The following TNIK variants were observed in gnomAD, a reference collection of about 807,000 sequenced individuals.
TNIK encodes the protein TRAF2 and NCK-interacting protein kinase.
In TNIK, 49 loss-of-function variants were observed where a neutral mutation model predicts 191.3. The observed-to-expected ratio is 0.26, with a 90% CI of 0.20 to 0.32. TNIK has a LOEUF of 0.32. Among genes scored for constraint, TNIK ranks in the 10% least tolerant of loss-of-function variants. The probability of loss-of-function intolerance (pLI) is 1.00; values close to 1 mark genes in which losing one functional copy is unlikely to be tolerated. For missense variants in TNIK, 1,155 were observed against 1,702.3 expected (o/e 0.68, Z 5.66); for synonymous variants, 594 against 600.9 (o/e 0.99, Z 0.17).
intron 13 of TNIK, among the ~76,000 whole-genome samples, chr3:171,140,109 G>A (rs1730600199): frequency 6.6e-6 from 1 of 152,158 alleles, no homozygotes; most frequent in African/African-American, 2.4e-5. Flanking sequence ...GTGGGACTTG[G>A]CTGATTTTTC....
chr3:171,295,487 T>A (rs13092279), intron 2 of TNIK, among the ~76,000 whole-genome samples: 5 of 151,908 alleles, frequency 3.3e-5, no homozygotes, highest in Admixed American at 6.6e-5. Context: ...AGCTCCAAGC[T>A]GTCACATCTC....
chr3:171,167,661 A>T (rs963646638), intron 9 of TNIK, among the ~76,000 whole-genome samples: 3 of 152,208 alleles, frequency 2.0e-5, no homozygotes, highest in African/African-American at 7.2e-5. Context: ...GGGAAAGGAT[A>T]GTTCAGATAT....
At chr3:171,077,166 C>A (rs552380366) in intron 28 of TNIK, among the ~76,000 whole-genome samples, 1 of 144,320 alleles carries the variant, frequency 6.9e-6, no homozygotes, top group South Asian at 2.3e-4. Context: ...CATGGTCAAA[C>A]GCAGCAGGTC....
intron 29 of TNIK, among the ~76,000 whole-genome samples, chr3:171,070,582 C>T (rs560422411): frequency 3.9e-4 from 60 of 152,206 alleles, no homozygotes; most frequent in Admixed American, 1.6e-3. Flanking sequence ...TCCTGGTATT[C>T]GGGTGTCAGC....
At chr3:171,262,490 A>C (rs1457898061) in intron 2 of TNIK, among the ~76,000 whole-genome samples, 1 of 152,198 alleles carries the variant, frequency 6.6e-6, no homozygotes, top group Non-Finnish European at 1.5e-5. Context: ...TAAAAGATCA[A>C]TGTCTGGAAG....
At chr3:171,086,392 C>T (rs536867026) in intron 24 of TNIK, among the ~76,000 whole-genome samples, 1 of 152,294 alleles carries the variant, frequency 6.6e-6, no homozygotes, top group South Asian at 2.1e-4. Flanking sequence ...CAGGCACTAA[C>T]ATTTCCACAT....
At chr3:171,451,933 T>C (rs981974017) in intron 1 of TNIK, among the ~76,000 whole-genome samples, 1 of 152,196 alleles carries the variant, frequency 6.6e-6, no homozygotes, top group African/African-American at 2.4e-5. Flanking sequence ...GCACCCAAAC[T>C]TGCACCTTCT....
At chr3:171,200,110 G>C (rs898785721) in intron 4 of TNIK, among the ~76,000 whole-genome samples, 5 of 152,262 alleles carry the variant, frequency 3.3e-5, no homozygotes, top group African/African-American at 9.6e-5. Context: ...TGCATTCCAG[G>C]GCAATGGATC....
intron 2 of TNIK, among the ~76,000 whole-genome samples, chr3:171,333,529 G>C (rs1037758281): frequency 1.4e-5 from 2 of 145,782 alleles, no homozygotes. Flanking sequence ...AGCCAAGATC[G>C]CACCACTGCA....
chr3:171,246,961 A>G (rs1211745688), intron 2 of TNIK, among the ~76,000 whole-genome samples: 1 of 152,256 alleles, frequency 6.6e-6, no homozygotes, highest in East Asian at 1.9e-4. Context: ...AAGACAAGGA[A>G]GGACATTTCA....
chr3:171,176,239 G>A (rs1361297801), intron 8 of TNIK, among the ~76,000 whole-genome samples: 1 of 152,168 alleles, frequency 6.6e-6, no homozygotes, highest in African/African-American at 2.4e-5. Flanking sequence ...ATGCCTATTA[G>A]CATTGTGAAT....
At chr3:171,080,585 G>A (rs762906447) in intron 27 of TNIK, among the ~76,000 whole-genome samples, 5 of 151,794 alleles carry the variant, frequency 3.3e-5, no homozygotes, top group Admixed American at 2.0e-4. Context: ...TACAGGTGCC[G>A]CTCCCAGCAT....
chr3:171,177,423 A>G (rs1736099859), intron 7 of TNIK, 43 bp from the exon 8 acceptor site: 2 of 1,580,898 alleles, frequency 1.3e-6, no homozygotes, highest in Non-Finnish European at 1.7e-6. Context: ...TCAGTCAACA[A>G]AGGACAACTT....
Position 171,224,283 on chromosome 3 carries a change from G to A in TNIK, c.180+3882C>T, listed in dbSNP as rs528726191. On this transcript the variant is annotated intron_variant, in intron 3 of 32. Transcript: ENST00000436636. ...TTCAGCTTCATTCAGTTTGAGTGGC[G>A]GTTTGGTACTACAACCCCAAATGTC... Among the ~76,000 whole-genome samples, 247 of 152,150 alleles carry A rather than the reference G, an allele frequency of 1.6e-3. 4 individuals are homozygous for A. The South Asian group carries it at 0.035, about 22-fold the overall frequency.
chr3:171,374,945 A>T (rs1717015915), intron 1 of TNIK, among the ~76,000 whole-genome samples: 1 of 152,206 alleles, frequency 6.6e-6, no homozygotes, highest in Non-Finnish European at 1.5e-5. Context: ...TCAGGGTCAC[A>T]CTACTAATGA....
chr3:171,176,402 C>G (rs1437742778), intron 8 of TNIK, among the ~76,000 whole-genome samples: 4 of 152,104 alleles, frequency 2.6e-5, no homozygotes, highest in Non-Finnish European at 4.4e-5. Flanking sequence ...TATTTTTGTC[C>G]TAGTCCTTTG....
intron 7 of TNIK, among the ~76,000 whole-genome samples, chr3:171,183,690 A>G (rs1008006103): frequency 6.6e-6 from 1 of 152,170 alleles, no homozygotes; most frequent in Non-Finnish European, 1.5e-5. Context: ...TGGGAGGCCA[A>G]GGTGGGCAGA....
chr3:171,325,401 G>C (rs1203774765), intron 2 of TNIK, among the ~76,000 whole-genome samples: 1 of 152,062 alleles, frequency 6.6e-6, no homozygotes, highest in Non-Finnish European at 1.5e-5. Flanking sequence ...ATGAGTTGTG[G>C]CTAATAAGAA....
At chr3:171,283,438 T>C (rs773334250) in intron 2 of TNIK, among the ~76,000 whole-genome samples, 40 of 152,212 alleles carry the variant, frequency 2.6e-4, no homozygotes, top group East Asian at 1.5e-3. Context: ...ACCATTCACT[T>C]AGGGGAATTT....
Sources: gnomAD v4.1 joint callset for allele counts (sites outside exome capture counted in the v4.1 genomes callset) on GRCh38, gnomAD v4.1.1 for gene constraint, MANE v1.5 for transcripts, NCBI Gene and HGNC (gene_info 2026-07-23, HGNC 2026-07-21) for gene names.